Variants in FILIP1L observed in about 807,000 individuals in gnomAD.
The protein encoded by FILIP1L is filamin A-interacting protein 1-like.
In FILIP1L, 55 loss-of-function variants were observed where a neutral mutation model predicts 96.6. The ratio of observed to expected loss-of-function variants is 0.57; its 90% CI spans 0.46 to 0.71. The LOEUF (loss-of-function observed/expected upper bound fraction) is 0.71, where lower values mean the gene tolerates loss of function less well. Ranked by LOEUF, FILIP1L falls within the 30% of genes least tolerant of loss-of-function variation. The probability of loss-of-function intolerance (pLI) is 0.00; values close to 1 mark genes in which losing one functional copy is unlikely to be tolerated. For synonymous variants in FILIP1L, 467 were observed against 473.9 expected (o/e 0.99, Z 0.19); for missense variants, 1,304 against 1,321.2 (o/e 0.99, Z 0.20).
intron 1 of FILIP1L, among the ~76,000 whole-genome samples, chr3:100,092,373 G>A (rs1259306853): frequency 6.6e-6 from 1 of 151,948 alleles, no homozygotes; most frequent in East Asian, 1.9e-4. Flanking sequence ...CAAAGACAAT[G>A]GTATACAAGA....
chr3:100,041,180 C>G (rs937182702), intron 1 of FILIP1L: 2 of 152,028 alleles, frequency 1.3e-5, no homozygotes, highest in African/African-American at 4.8e-5. Context: ...TTCTGCCTGC[C>G]CCACCCTAAA....
rs375247715 is a variant in FILIP1L, at chr3:99,832,955, A to C, written c.3382-2350T>G. On this transcript the variant is annotated intron_variant, in intron 5 of 5. Coordinates refer to ENST00000477258, the MANE Select transcript of FILIP1L (RefSeq NM_001387850.1). ...ATGTGTCATCTCTTGGATCATTTTTATAGAGCGTTATGTCAAATAGCTCCA... is the reference window on the plus strand; with the variant it reads ...ATGTGTCATCTCTTGGATCATTTTTCTAGAGCGTTATGTCAAATAGCTCCA... Among the ~76,000 whole-genome samples, 16 of 142,802 alleles carry C rather than the reference A, an allele frequency of 1.1e-4. No homozygotes were observed. In the East Asian group the frequency reaches 2.2e-3, roughly 19 times the overall value. 93.7% of individuals were successfully genotyped at this position (142,802 alleles called of 152,430 possible). A position where few individuals can be genotyped will look rare whatever the true frequency, so the allele number is the denominator to read the frequency against.
At chr3:100,090,497 C>T (rs557605500) in intron 1 of FILIP1L, among the ~76,000 whole-genome samples, 2 of 152,266 alleles carry the variant, frequency 1.3e-5, no homozygotes, top group South Asian at 4.1e-4. Flanking sequence ...GAGAGCAAAA[C>T]CAGGCGACAG....
At chr3:100,046,490 C>T (rs2065281277) in intron 1 of FILIP1L, among the ~76,000 whole-genome samples, 1 of 151,018 alleles carries the variant, frequency 6.6e-6, no homozygotes. Flanking sequence ...ATCTCTAGAG[C>T]TTGTTGTATA....
intron 4 of FILIP1L, among the ~76,000 whole-genome samples, chr3:99,886,862 C>G (rs1705916279): frequency 6.6e-6 from 1 of 151,504 alleles, no homozygotes. Context: ...CCCAGCTACT[C>G]AGGAGGCTGA....
intron 1 of FILIP1L, among the ~76,000 whole-genome samples, chr3:100,054,529 T>TGTTATGTC (rs2065430623): frequency 1.3e-5 from 2 of 151,592 alleles, no homozygotes; most frequent in Admixed American, 1.3e-4. Context: ...TATGTTATGT[T>TGTTATGTC]ATGTTATGTT....
intron 1 of FILIP1L, among the ~76,000 whole-genome samples, chr3:100,031,696 A>G (rs2065024977): frequency 6.6e-6 from 1 of 152,130 alleles, no homozygotes; most frequent in Admixed American, 6.6e-5. Flanking sequence ...AAGGCTGAGG[A>G]TCTACGACAA....
intron 1 of FILIP1L, among the ~76,000 whole-genome samples, chr3:100,113,255 C>A (rs948429406): frequency 2.0e-5 from 3 of 152,184 alleles, no homozygotes; most frequent in African/African-American, 7.2e-5. Context: ...ACTGTGCAGC[C>A]ACCCTAAACA....
chr3:99,920,602 A>T (rs755308169), intron 4 of FILIP1L, among the ~76,000 whole-genome samples: 3 of 152,228 alleles, frequency 2.0e-5, no homozygotes, highest in Non-Finnish European at 4.4e-5. Flanking sequence ...CACAGATTAC[A>T]GCTAAGGAAA....
intron 4 of FILIP1L, chr3:99,874,234 T>C (rs1281902281): frequency 6.6e-6 from 1 of 152,228 alleles, no homozygotes. Flanking sequence ...ATGGAAGTTA[T>C]GATTTTCAAC....
intron 1 of FILIP1L, among the ~76,000 whole-genome samples, chr3:100,047,869 A>G (rs1289418968): frequency 2.0e-5 from 3 of 152,158 alleles, no homozygotes; most frequent in Non-Finnish European, 4.4e-5. Context: ...TCAAAATGAC[A>G]GGGTGGGCGA....
chr3:99,941,485 T>A (rs1417293082), intron 1 of FILIP1L, among the ~76,000 whole-genome samples: 1 of 152,280 alleles, frequency 6.6e-6, no homozygotes, highest in African/African-American at 2.4e-5. Context: ...AGAAGGTGGA[T>A]GAAAAACACA....
At chr3:99,868,919 A>G (rs1944647940) in intron 4 of FILIP1L, among the ~76,000 whole-genome samples, 1 of 152,172 alleles carries the variant, frequency 6.6e-6, no homozygotes, top group African/African-American at 2.4e-5. Context: ...TTGTTTTAGT[A>G]TATTACTTTT....
intron 1 of FILIP1L, among the ~76,000 whole-genome samples, chr3:100,054,000 G>A (rs1435123217): frequency 6.6e-6 from 1 of 152,108 alleles, no homozygotes; most frequent in Non-Finnish European, 1.5e-5. Flanking sequence ...CTGGACATTC[G>A]GCTTACTTAA....
At chr3:100,041,932 G>A (rs901757742) in intron 1 of FILIP1L, among the ~76,000 whole-genome samples, 1 of 152,150 alleles carries the variant, frequency 6.6e-6, no homozygotes, top group African/African-American at 2.4e-5. Flanking sequence ...AAAGGCACAG[G>A]CTGCACCTCA....
At chr3:100,043,249 A>G (rs756115624) in intron 1 of FILIP1L, among the ~76,000 whole-genome samples, 8 of 152,210 alleles carry the variant, frequency 5.3e-5, no homozygotes, top group Non-Finnish European at 7.4e-5. Flanking sequence ...ACATACAAGT[A>G]AGGAAAAGAG....
chr3:100,021,302 A>G (rs2064813086), intron 1 of FILIP1L, among the ~76,000 whole-genome samples: 1 of 152,226 alleles, frequency 6.6e-6, no homozygotes, highest in African/African-American at 2.4e-5. Flanking sequence ...TGGAGTTGTT[A>G]AAAAGTGAGG....
chr3:100,076,643 C>G (rs1052364441), intron 1 of FILIP1L, among the ~76,000 whole-genome samples: 1 of 152,182 alleles, frequency 6.6e-6, no homozygotes, highest in Non-Finnish European at 1.5e-5. Context: ...AGACTGAACT[C>G]ACTGTGTACT....
At chr3:100,027,813 A>T (rs564600729) in intron 1 of FILIP1L, among the ~76,000 whole-genome samples, 2 of 152,308 alleles carry the variant, frequency 1.3e-5, no homozygotes, top group South Asian at 4.1e-4. Flanking sequence ...CTCAGAGGGA[A>T]AAGCATGTGT....
Sources: allele counts gnomAD v4.1 joint callset (sites outside exome capture counted in the v4.1 genomes callset), GRCh38; gene constraint gnomAD v4.1.1; transcripts MANE v1.5; gene names NCBI Gene and HGNC (gene_info 2026-07-23, HGNC 2026-07-21).